FHIT: variants seen among roughly 807,000 people sequenced by gnomAD.
FHIT encodes the protein bis(5'-adenosyl)-triphosphatase.
FHIT carries 19 observed loss-of-function variants against 17.9 expected under a neutral mutation model. That is an observed-to-expected ratio of 1.06 (90% confidence interval 0.74 to 1.56). The LOEUF is 1.56. Among genes scored for constraint, FHIT ranks in the 40% most tolerant of loss-of-function variants. The pLI, the probability that FHIT is intolerant of heterozygous loss-of-function variation, is 0.00. For missense variants in FHIT, 248 were observed against 189.2 expected (o/e 1.31, Z -1.82); for synonymous variants, 81 against 69.7 (o/e 1.16, Z -0.81).
chr3:60,278,012 G>A (rs965760018), intron 5 of FHIT, among the ~76,000 whole-genome samples: 1 of 152,148 alleles, frequency 6.6e-6, no homozygotes, highest in African/African-American at 2.4e-5. Context: ...CAAATTTGGA[G>A]AAACATGTAA....
rs530898428 is a variant in FHIT, at chr3:59,748,858, C to T, written c.*727G>A. ...CAAGACAGGATAATAACAGGGTCTACATCTTATAAATTCTTAGCAAGTGTG... is the reference window on the plus strand; with the variant it reads ...CAAGACAGGATAATAACAGGGTCTATATCTTATAAATTCTTAGCAAGTGTG... On this transcript the variant is annotated 3_prime_UTR_variant, in exon 10 of 10. Transcript: ENST00000492590. Among the ~76,000 whole-genome samples, 4 of 152,272 alleles carry T rather than the reference C, an allele frequency of 2.6e-5. No homozygotes were observed. In the South Asian group the frequency reaches 8.3e-4, roughly 32 times the overall value.
At chr3:59,867,756 C>A (rs919417080) in intron 8 of FHIT, among the ~76,000 whole-genome samples, 1 of 152,048 alleles carries the variant, frequency 6.6e-6, no homozygotes, top group African/African-American at 2.4e-5. Context: ...ACTCCCTAGA[C>A]TTTTGAGAGT....
intron 5 of FHIT, among the ~76,000 whole-genome samples, chr3:60,313,018 A>G (rs1709013984): frequency 6.6e-6 from 1 of 152,140 alleles, no homozygotes; most frequent in Admixed American, 6.5e-5. Context: ...CCCCCAGATT[A>G]CAGATGAAGA....
At chr3:60,585,641 T>C (rs2037881838) in intron 4 of FHIT, among the ~76,000 whole-genome samples, 1 of 152,054 alleles carries the variant, frequency 6.6e-6, no homozygotes, top group Non-Finnish European at 1.5e-5. Context: ...CAACTCAACA[T>C]AAAGTTAACA....
At chr3:60,544,653 G>A (rs2036302935) in intron 4 of FHIT, among the ~76,000 whole-genome samples, 1 of 136,616 alleles carries the variant, frequency 7.3e-6, no homozygotes, top group Middle Eastern at 4.8e-3. Flanking sequence ...GCTGGACACA[G>A]TGGCACGATC....
chr3:59,862,635 C>T (rs904801300), intron 8 of FHIT, among the ~76,000 whole-genome samples: 2 of 152,178 alleles, frequency 1.3e-5, no homozygotes, highest in African/African-American at 4.8e-5. Context: ...GGCTGGGTTC[C>T]TCTAAAGCAA....
At chr3:60,368,307 G>A (rs1403232741) in intron 5 of FHIT, among the ~76,000 whole-genome samples, 2 of 151,574 alleles carry the variant, frequency 1.3e-5, no homozygotes, top group East Asian at 3.9e-4. Flanking sequence ...CTTATTCACT[G>A]GATGTTTTAA....
chr3:60,612,590 T>TA (rs1553674068), intron 4 of FHIT, among the ~76,000 whole-genome samples: 2 of 152,226 alleles, frequency 1.3e-5, no homozygotes, highest in African/African-American at 4.8e-5. Flanking sequence ...GCCCTTCTTA[T>TA]AGCCAGGTCA....
chr3:61,058,479 G>A (rs1176369088), intron 2 of FHIT, among the ~76,000 whole-genome samples: 1 of 152,182 alleles, frequency 6.6e-6, no homozygotes, highest in East Asian at 1.9e-4. Flanking sequence ...CAGTGTTGGA[G>A]GAGGGGCCTG....
At chr3:60,500,524 C>T (rs2034479853) in intron 5 of FHIT, among the ~76,000 whole-genome samples, 1 of 151,910 alleles carries the variant, frequency 6.6e-6, no homozygotes, top group South Asian at 2.1e-4. Flanking sequence ...AATCCCAGCA[C>T]TTTAGGAGGC....
At chr3:60,566,940 C>A (rs2037157178) in intron 4 of FHIT, among the ~76,000 whole-genome samples, 2 of 146,240 alleles carry the variant, frequency 1.4e-5, no homozygotes, top group South Asian at 2.3e-4. Flanking sequence ...CTACAAACCA[C>A]TGCTCAAAGA....
intron 5 of FHIT, among the ~76,000 whole-genome samples, chr3:60,330,745 G>A (rs1709927376): frequency 6.6e-6 from 1 of 152,144 alleles, no homozygotes; most frequent in Admixed American, 6.5e-5. Flanking sequence ...ATCTCAGTTT[G>A]GTTGTCTACA....
chr3:60,981,634 G>C (rs981358487), intron 3 of FHIT, among the ~76,000 whole-genome samples: 9 of 151,724 alleles, frequency 5.9e-5, no homozygotes, highest in Admixed American at 5.9e-4. Flanking sequence ...TTTGAGACAG[G>C]GTCTTGCTCT....
chr3:60,635,964 A>G (rs2107782082), intron 4 of FHIT, among the ~76,000 whole-genome samples: 2 of 152,294 alleles, frequency 1.3e-5, no homozygotes, highest in Middle Eastern at 6.8e-3. Flanking sequence ...ATTTGGTCTT[A>G]GTTTGTCAAC....
intron 7 of FHIT, among the ~76,000 whole-genome samples, chr3:59,933,999 AG>A (rs985251134): frequency 1.3e-5 from 2 of 152,150 alleles, no homozygotes; most frequent in African/African-American, 4.8e-5. Context: ...AGACTAAAAC[AG>A]GGCCCCTCAA....
At chr3:61,052,394 T>C (rs1310599870) in intron 2 of FHIT, among the ~76,000 whole-genome samples, 1 of 152,150 alleles carries the variant, frequency 6.6e-6, no homozygotes, top group African/African-American at 2.4e-5. Context: ...AAATAGCATA[T>C]CCAGGACTCA....
rs149728694 is a variant in FHIT at position 60,243,449 on chromosome 3, C to T, written c.104-229297G>A. On this transcript the variant is annotated intron_variant, in intron 5 of 9. Coordinates refer to ENST00000492590, the MANE Select transcript of FHIT (RefSeq NM_002012.4). ...TCAAGAACTACTGGCCATGGAGAGG[C>T]GATGGGGAGAGCTTGACCTGTGCCT... is the stretch of plus-strand genomic sequence containing the variant. Among the ~76,000 whole-genome samples, 7 of 152,064 alleles carry T rather than the reference C, an allele frequency of 4.6e-5. No homozygotes were observed. In the South Asian group the frequency reaches 8.3e-4, roughly 18 times the overall value.
intron 1 of FHIT, among the ~76,000 whole-genome samples, chr3:61,249,438 C>T (rs1187579247): frequency 6.6e-5 from 10 of 152,174 alleles, no homozygotes; most frequent in Admixed American, 5.9e-4. Flanking sequence ...TGTTTAGTAT[C>T]TAAGTACAGA....
chr3:60,824,188 G>A (rs1702034798), intron 3 of FHIT, among the ~76,000 whole-genome samples: 3 of 152,186 alleles, frequency 2.0e-5, no homozygotes, highest in Non-Finnish European at 2.9e-5. Flanking sequence ...GGCCACTTAG[G>A]AGGCTCCTGC....
Sources: gnomAD v4.1 joint callset for allele counts (sites outside exome capture counted in the v4.1 genomes callset) on GRCh38, gnomAD v4.1.1 for gene constraint, MANE v1.5 for transcripts, NCBI Gene and HGNC (gene_info 2026-07-23, HGNC 2026-07-21) for gene names.